ATP8A1: variants seen among roughly 807,000 people sequenced by gnomAD.
The protein encoded by ATP8A1 is phospholipid-transporting ATPase IA.
In ATP8A1, 90 loss-of-function variants were observed where a neutral mutation model predicts 177.7. The observed-to-expected ratio is 0.51, with a 90% confidence interval of 0.43 to 0.60. ATP8A1 has a LOEUF of 0.60. Among genes scored for constraint, ATP8A1 ranks in the 20% least tolerant of loss-of-function variants. ATP8A1 has a pLI of 0.00. For synonymous variants in ATP8A1, 493 were observed against 485.9 expected (o/e 1.01, Z -0.19); for missense variants, 1,072 against 1,392.8 (o/e 0.77, Z 3.67).
At chr4:42,655,361 A>G (rs530525587) in intron 1 of ATP8A1, among the ~76,000 whole-genome samples, 2 of 152,264 alleles carry the variant, frequency 1.3e-5, no homozygotes, top group African/African-American at 4.8e-5. Flanking sequence ...TAATCCCCTC[A>G]CATGCCACAG....
chr4:42,510,847 AG>A (rs1409803926), intron 22 of ATP8A1, among the ~76,000 whole-genome samples: 1 of 152,226 alleles, frequency 6.6e-6, no homozygotes, highest in Non-Finnish European at 1.5e-5. Flanking sequence ...AGTTTTGCAC[AG>A]GTAAAAGAGA....
At chr4:42,559,781 C>G (rs1296408302) in intron 15 of ATP8A1, among the ~76,000 whole-genome samples, 3 of 152,222 alleles carry the variant, frequency 2.0e-5, no homozygotes, top group African/African-American at 7.2e-5. Flanking sequence ...TCTCAGCTCA[C>G]TGCAACCTCC....
intron 24 of ATP8A1, among the ~76,000 whole-genome samples, chr4:42,496,157 A>G (rs1244171949): frequency 6.6e-6 from 1 of 152,212 alleles, no homozygotes; most frequent in Admixed American, 6.5e-5. Flanking sequence ...TTAGGGTACA[A>G]TGCAGAGAGA....
rs1242886956 is a variant in ATP8A1, at chr4:42,657,087, C to T, written c.-214G>A. On this transcript the variant is annotated 5_prime_UTR_variant, in exon 1 of 37. Transcript: ENST00000381668. ...GTGGCGGCGAAGGTGGCGGCGCCCGCAGAGCTGGGCGAGCTCTTGCTGCAG... is the reference window on the plus strand; with the variant it reads ...GTGGCGGCGAAGGTGGCGGCGCCCGTAGAGCTGGGCGAGCTCTTGCTGCAG... The T allele has an allele frequency of 2.4e-6, 1 of 410,768 alleles. No homozygotes were observed. The highest frequency in any genetic ancestry group is 2.1e-5 in the African/African-American group (1 of 48,240). The allele number at this position is 410,768 out of a possible 1,614,324, so 25.4% of individuals were successfully genotyped here.
At chr4:42,551,801 T>C (rs976438251) in intron 17 of ATP8A1, among the ~76,000 whole-genome samples, 1 of 152,182 alleles carries the variant, frequency 6.6e-6, no homozygotes, top group African/African-American at 2.4e-5. Flanking sequence ...AAACATCACA[T>C]AGTTTCTACC....
Position 42,581,676 on chromosome 4 carries a change from G to A in ATP8A1, c.779C>T (p.Thr260Ile). 1.2e-6 allele frequency: 2 copies of A among 1,614,182 alleles called. No homozygotes were observed. ...ILLRGAQLRN[T>I]QWVHGIVVYT... ...GACAACTATTCCATGAACCCACTGT[G>A]TATTTCTCAACTGAGCTCCTCGAAG... is the stretch of plus-strand genomic sequence containing the variant. Residue 260 changes from threonine to isoleucine, a missense_variant, in exon 10 of 37, where the codon ACA (threonine) becomes ATA (isoleucine). Thr to Ile is a moderately conservative substitution (Grantham distance 89, BLOSUM62 -1). This residue lies in a region of ATP8A1 where 344 missense variants were observed against 393.5 expected (regional missense o/e 0.87). Coordinates refer to ENST00000381668, the MANE Select transcript of ATP8A1 (RefSeq NM_006095.2).
At chr4:42,627,420 T>C (rs991944562) in intron 1 of ATP8A1, among the ~76,000 whole-genome samples, 10 of 152,228 alleles carry the variant, frequency 6.6e-5, no homozygotes, top group Non-Finnish European at 8.8e-5. Context: ...TAAACCTTAA[T>C]TTTAAACTGG....
At chr4:42,623,009 C>CAAAAAAAAAAAAAAAAAAAAAAAAAAA (rs200111147) in intron 4 of ATP8A1, among the ~76,000 whole-genome samples, 1 of 116,140 alleles carries the variant, frequency 8.6e-6, no homozygotes, top group Non-Finnish European at 1.8e-5. Context: ...AACTCTGTCT[C>CAAAAAAAAAAAAAAAAAAAAAAAAAAA]AAAAAAAAAA....
At chr4:42,428,795 T>C (rs1311932046) in intron 33 of ATP8A1, among the ~76,000 whole-genome samples, 1 of 152,150 alleles carries the variant, frequency 6.6e-6, no homozygotes, top group Non-Finnish European at 1.5e-5. Context: ...TTGCTACACA[T>C]AACATGTTTT....
At chr4:42,625,391 TC>T (rs1486673282) in intron 3 of ATP8A1, 1 of 393,478 alleles carries the variant, frequency 2.5e-6, no homozygotes, top group East Asian at 4.2e-5. Context: ...AAATGAACAG[TC>T]CTTGCCACAT....
At position 42,507,106 on chromosome 4, in the gene ATP8A1, G is replaced by C; in HGVS notation, c.1996C>G (p.Gln666Glu). ...AGCGTTTCTATGGTTTCAGGCACTT[G>C]ATCTTGTAATTTATCCTCAATGGCT... ...ATAIEDKLQDQVPETIETLMK... is the reference protein window; with the variant it reads ...ATAIEDKLQDEVPETIETLMK... The change falls in exon 23 of 37, where the codon CAA becomes GAA. Residue 666 changes from glutamine to glutamate, a missense_variant. This residue lies in a region of ATP8A1 where 388 missense variants were observed against 471.7 expected (regional missense o/e 0.82). Transcript: ENST00000381668. The C allele has an allele frequency of 1.9e-6, 3 of 1,613,994 alleles. No homozygotes were observed. The highest frequency in any genetic ancestry group is 2.5e-6 in the Non-Finnish European group (3 of 1,179,926).
intron 4 of ATP8A1, among the ~76,000 whole-genome samples, chr4:42,620,101 C>A (rs1737318111): frequency 6.6e-6 from 1 of 152,200 alleles, no homozygotes; most frequent in Admixed American, 6.5e-5. Flanking sequence ...TGCCTGGCAG[C>A]TCAAGAGTTC....
At chr4:42,524,116 G>A (rs960155870) in intron 21 of ATP8A1, among the ~76,000 whole-genome samples, 17 of 151,932 alleles carry the variant, frequency 1.1e-4, no homozygotes, top group East Asian at 1.9e-4. Flanking sequence ...AACAACCCTC[G>A]CTGCCTTTCA....
chr4:42,607,504 A>T (rs79919592), intron 5 of ATP8A1, among the ~76,000 whole-genome samples: 3 of 152,202 alleles, frequency 2.0e-5, no homozygotes, highest in Non-Finnish European at 4.4e-5. Context: ...AGGTATTTTT[A>T]AATCATCAAC....
At chr4:42,544,715 C>G (rs565432516) in intron 19 of ATP8A1, among the ~76,000 whole-genome samples, 1 of 152,178 alleles carries the variant, frequency 6.6e-6, no homozygotes, top group East Asian at 1.9e-4. Flanking sequence ...TGTAAGCATC[C>G]TCCTCAGAAC....
intron 30 of ATP8A1, among the ~76,000 whole-genome samples, chr4:42,449,108 T>C (rs1374941757): frequency 1.3e-5 from 2 of 152,200 alleles, no homozygotes; most frequent in Non-Finnish European, 2.9e-5. Context: ...AGTGCTGGGA[T>C]TACAGGTGTG....
At chr4:42,447,275 C>T (rs537521292) in intron 30 of ATP8A1, among the ~76,000 whole-genome samples, 88 of 152,252 alleles carry the variant, frequency 5.8e-4, no homozygotes, top group African/African-American at 1.9e-3. Flanking sequence ...CCTCCGCTCC[C>T]GGGTTCTAGT....
rs758798484 is a variant in ATP8A1 at position 42,624,649 on chromosome 4, A to T, written c.265-15T>A. The T allele has an allele frequency of 7.5e-7, 1 of 1,330,678 alleles. No homozygotes were observed. Among genetic ancestry groups the T allele is most frequent in the East Asian group, 2.6e-5 (1 of 38,616 alleles). 82.4% of individuals were successfully genotyped at this position (1,330,678 alleles called of 1,614,324 possible). On this transcript the variant is annotated splice_polypyrimidine_tract_variant and intron_variant, in intron 3 of 36. Coordinates refer to ENST00000381668, the MANE Select transcript of ATP8A1 (RefSeq NM_006095.2). ...TCAGGTATTTGCTGTTTGGAAAAAA[A>T]AAAAAAAGAGAAATCCAATGAGAAC... is the stretch of plus-strand genomic sequence containing the variant.
In ATP8A1 at chr4:42,455,407, T is replaced by C; in HGVS notation, c.2707A>G (p.Met903Val). Residue 903 changes from methionine to valine, a missense_variant, in exon 29 of 37, where the codon ATG (methionine) becomes GTG (valine). Physicochemically the swap from Met to Val is conservative, Grantham distance 21. Transcript: ENST00000381668. ...AATATTCCAAGAGTTAAAGGAGGCA[T>C]TGCTGTAAACATCTAAAGCGCACAA... ...IGLYNVMFTA[M>V]PPLTLGIFER... is the part of the protein sequence containing the mutation. 2 of 1,613,942 alleles carry C rather than the reference T, an allele frequency of 1.2e-6. No homozygotes were observed. The highest frequency in any genetic ancestry group is 1.7e-6 in the Non-Finnish European group (2 of 1,179,818).
Sources: allele counts gnomAD v4.1 joint callset (sites outside exome capture counted in the v4.1 genomes callset), GRCh38; gene constraint gnomAD v4.1.1; regional missense constraint gnomAD v4.1.1; transcripts MANE v1.5; gene names NCBI Gene and HGNC (gene_info 2026-07-23, HGNC 2026-07-21).